SRPK2: variants seen among roughly 807,000 people sequenced by gnomAD.
SRPK2 encodes the protein SRSF protein kinase 2.
In SRPK2, 21 loss-of-function variants were observed where a neutral mutation model predicts 90.8. The observed-to-expected ratio is 0.23, with a 90% CI of 0.16 to 0.33. The LOEUF (loss-of-function observed/expected upper bound fraction) is 0.33. SRPK2 is among the 10% of genes least tolerant of loss of function. SRPK2 has a pLI of 1.00. For synonymous variants in SRPK2, 288 were observed against 311.1 expected, an observed-to-expected ratio of 0.93 and a Z score of 0.78; for missense variants, 620 against 869.0, an observed-to-expected ratio of 0.71 and a Z score of 3.60.
chr7:105,244,753 CA>C, intron 2 of SRPK2: 1 of 1,026,938 alleles, frequency 9.7e-7, no homozygotes, highest in Non-Finnish European at 1.5e-6. Flanking sequence ...GGCGTCTGAC[CA>C]AACACACCAA....
Position 105,117,719 on chromosome 7 carries a change from A to G in SRPK2, c.*119T>C. Reference sequence around the variant, plus strand: ...TCAAACAACAGTACCTCAAAGCAAAATAAAGGTCTGAGGATGAAGCCAGCT... The same window carrying G: ...TCAAACAACAGTACCTCAAAGCAAAGTAAAGGTCTGAGGATGAAGCCAGCT... On this transcript the variant is annotated 3_prime_UTR_variant, in exon 16 of 16. Transcript: ENST00000393651. The G allele has an allele frequency of 8.8e-7, 1 of 1,139,568 alleles. No homozygotes were observed. Among genetic ancestry groups the G allele is most frequent in the Non-Finnish European group, 1.2e-6 (1 of 800,818 alleles). The allele number at this position is 1,139,568 out of a possible 1,614,324, so 70.6% of individuals were successfully genotyped here.
intron 2 of SRPK2, among the ~76,000 whole-genome samples, chr7:105,330,251 G>T (rs1210246599): frequency 6.6e-6 from 1 of 151,680 alleles, no homozygotes; most frequent in Non-Finnish European, 1.5e-5. Context: ...GAGGCAGAAT[G>T]GCGTCAACCC....
intron 2 of SRPK2, among the ~76,000 whole-genome samples, chr7:105,369,211 A>G (rs1462865943): frequency 1.3e-5 from 2 of 151,762 alleles, no homozygotes; most frequent in African/African-American, 4.8e-5. Flanking sequence ...AAATGGCACA[A>G]TCTCAGCTCA....
chr7:105,223,776 A>G (rs1246695824), intron 2 of SRPK2, among the ~76,000 whole-genome samples: 3 of 152,270 alleles, frequency 2.0e-5, no homozygotes, highest in Admixed American at 6.5e-5. Context: ...CAATGAAATC[A>G]ATACACAGCT....
chr7:105,213,641 A>G (rs1398891060), intron 2 of SRPK2, among the ~76,000 whole-genome samples: 1 of 152,196 alleles, frequency 6.6e-6, no homozygotes, highest in African/African-American at 2.4e-5. Context: ...TACCTTTTAC[A>G]TTAGGATAAG....
chr7:105,261,438 G>A (rs1296594273), intron 2 of SRPK2, among the ~76,000 whole-genome samples: 1 of 151,754 alleles, frequency 6.6e-6, no homozygotes, highest in Non-Finnish European at 1.5e-5. Context: ...GGAGAATGGC[G>A]TGAACCTGGG....
Position 105,167,483 on chromosome 7 carries a change from A to G in SRPK2, c.427-19T>C. ...CTCGAACCTATGCCAAGAAAAATGA[A>G]TGCAAGAACACAGGAGTTTGAGACA... On this transcript the variant is annotated intron_variant, in intron 5 of 15. Transcript: ENST00000393651. The G allele has an allele frequency of 6.3e-7, 1 of 1,597,464 alleles. No individual in the cohort carries two copies. Among genetic ancestry groups the G allele is most frequent in the Non-Finnish European group, 8.6e-7 (1 of 1,165,252 alleles).
intron 2 of SRPK2, among the ~76,000 whole-genome samples, chr7:105,379,688 A>C (rs918602692): frequency 2.0e-5 from 3 of 152,140 alleles, no homozygotes; most frequent in Non-Finnish European, 2.9e-5. Flanking sequence ...AATTAAGACG[A>C]ATGCACTGGG....
chr7:105,160,341 A>G lies in SRPK2; in HGVS notation c.621+166T>C, dbSNP rs549401175. ...CAAAATATCATTAAATACTGACTTAATAAGAGTTCAAAATGTTATGCACTG... is the reference window on the plus strand; with the variant it reads ...CAAAATATCATTAAATACTGACTTAGTAAGAGTTCAAAATGTTATGCACTG... On this transcript the variant is annotated intron_variant, in intron 7 of 15. Coordinates refer to ENST00000393651, the MANE Select transcript of SRPK2 (RefSeq NM_182692.3). 5 of 426,858 alleles carry G rather than the reference A, an allele frequency of 1.2e-5. No individual in the cohort carries two copies. In the South Asian group the frequency reaches 2.0e-4, roughly 17 times the overall value. 26.4% of individuals were successfully genotyped at this position (426,858 alleles called of 1,614,324 possible). A position where few individuals can be genotyped will look rare whatever the true frequency, so the allele number is the denominator to read the frequency against.
intron 2 of SRPK2, among the ~76,000 whole-genome samples, chr7:105,382,225 T>C (rs1315637738): frequency 6.7e-6 from 1 of 150,178 alleles, no homozygotes; most frequent in Non-Finnish European, 1.5e-5. Flanking sequence ...GAATAAACTG[T>C]TAATCCACAC....
At chr7:105,146,802 T>TGGGAG in intron 7 of SRPK2, 144 bp from the exon 8 acceptor site, 1 of 811,390 alleles carries the variant, frequency 1.2e-6, no homozygotes, top group Non-Finnish European at 1.9e-6. Context: ...CTCCCTCCCA[T>TGGGAG]GCCTACCCAC....
intron 2 of SRPK2, among the ~76,000 whole-genome samples, chr7:105,302,552 A>G (rs942660678): frequency 6.6e-6 from 1 of 152,126 alleles, no homozygotes; most frequent in Non-Finnish European, 1.5e-5. Flanking sequence ...TAATTACTGA[A>G]CCGTAAATTG....
chr7:105,262,255 T>C (rs186971862), intron 2 of SRPK2, among the ~76,000 whole-genome samples: 6 of 152,306 alleles, frequency 3.9e-5, no homozygotes, highest in African/African-American at 4.8e-5. Context: ...CAGTCTTTCA[T>C]TGGAAACTAA....
rs376824774 is a variant in SRPK2 at position 105,218,947 on chromosome 7, AAAT to A, written c.72-15165_72-15163del. Reference sequence around the variant, plus strand: ...AGAAATTCAACAATTTTTTTTAAAAAAATAATGAGAATAGAGAAGAGATGACAA... The same window carrying A: ...AGAAATTCAACAATTTTTTTTAAAAAAATGAGAATAGAGAAGAGATGACAA... On this transcript the variant is annotated intron_variant, in intron 2 of 15. Coordinates refer to ENST00000393651, the MANE Select transcript of SRPK2 (RefSeq NM_182692.3). 3.8e-4 allele frequency among the ~76,000 whole-genome samples: 58 copies of A among 152,276 alleles called. 1 individual carries two copies. The East Asian group carries it at 0.01, about 26-fold the overall frequency.
chr7:105,196,637 C>T (rs1371915985), intron 3 of SRPK2, among the ~76,000 whole-genome samples: 2 of 152,254 alleles, frequency 1.3e-5, no homozygotes, highest in African/African-American at 4.8e-5. Context: ...CGAAGAACCT[C>T]TGATGTAACA....
At chr7:105,311,867 T>C (rs1002280848) in intron 2 of SRPK2, among the ~76,000 whole-genome samples, 62 of 152,214 alleles carry the variant, frequency 4.1e-4, no homozygotes, top group African/African-American at 1.5e-3. Flanking sequence ...CCTAGGTTTA[T>C]ATTCAAAAGA....
At chr7:105,374,808 C>T (rs933178820) in intron 2 of SRPK2, among the ~76,000 whole-genome samples, 2 of 152,090 alleles carry the variant, frequency 1.3e-5, no homozygotes, top group Admixed American at 6.6e-5. Flanking sequence ...AGGGTTGCAC[C>T]ATATTGGCTA....
chr7:105,335,905 G>C (rs541437642), intron 2 of SRPK2, among the ~76,000 whole-genome samples: 1 of 151,582 alleles, frequency 6.6e-6, no homozygotes, highest in Non-Finnish European at 1.5e-5. Flanking sequence ...GCGGTGAGCC[G>C]AGGTCATGCC....
At chr7:105,209,944 T>C (rs1796655734) in intron 2 of SRPK2, among the ~76,000 whole-genome samples, 1 of 152,206 alleles carries the variant, frequency 6.6e-6, no homozygotes, top group South Asian at 2.1e-4. Flanking sequence ...TTCAATATCA[T>C]ACTATAATAC....
Sources: gnomAD v4.1 joint callset for allele counts (sites outside exome capture counted in the v4.1 genomes callset) on GRCh38, gnomAD v4.1.1 for gene constraint, MANE v1.5 for transcripts, NCBI Gene and HGNC (gene_info 2026-07-23, HGNC 2026-07-21) for gene names.